Variants in RBFOX1 observed in about 807,000 individuals in gnomAD.
The protein encoded by RBFOX1 is RNA binding protein fox-1 homolog 1.
A neutral mutation model predicts 57.7 loss-of-function variants in RBFOX1; 8 were observed. The ratio of observed to expected loss-of-function variants is 0.14; its 90% CI spans 0.08 to 0.25. The LOEUF (loss-of-function observed/expected upper bound fraction) is 0.25. RBFOX1 is among the 10% of genes least tolerant of loss of function. RBFOX1 has a pLI of 1.00. For synonymous variants in RBFOX1, 326 were observed against 222.4 expected, an observed-to-expected ratio of 1.47 and a Z score of -4.15; for missense variants, 611 against 548.5, an observed-to-expected ratio of 1.11 and a Z score of -1.14.
At chr16:6,470,899 G>A (rs746892935) in intron 2 of RBFOX1, among the ~76,000 whole-genome samples, 10 of 151,782 alleles carry the variant, frequency 6.6e-5, no homozygotes, top group Non-Finnish European at 8.8e-5. Context: ...CCATTATACC[G>A]TTACTGCTGT....
chr16:7,402,582 C>T (rs17562963), intron 4 of RBFOX1, among the ~76,000 whole-genome samples: 12,739 of 152,170 alleles, frequency 0.084, 650 homozygotes, highest in Non-Finnish European at 0.12. Flanking sequence ...GATGATTATT[C>T]CTTGGTTTCC....
In RBFOX1 at chr16:6,570,338, T is replaced by G. The variant is rs564282889; in HGVS notation, c.-63-84265T>G. ...AATGTATGCTGCATAAGCAAAGGATTGTGTTCCAGGCCCCTCCTGGAACAG... is the reference window on the plus strand; with the variant it reads ...AATGTATGCTGCATAAGCAAAGGATGGTGTTCCAGGCCCCTCCTGGAACAG... On this transcript the variant is annotated intron_variant, in intron 2 of 15. Transcript: ENST00000550418. 2.0e-5 allele frequency among the ~76,000 whole-genome samples: 3 copies of G among 152,306 alleles called. No homozygotes were observed. In the South Asian group the frequency reaches 6.2e-4, roughly 32 times the overall value.
At chr16:6,205,510 C>T (rs1384755792) in intron 1 of RBFOX1, among the ~76,000 whole-genome samples, 1 of 152,124 alleles carries the variant, frequency 6.6e-6, no homozygotes, top group Non-Finnish European at 1.5e-5. Flanking sequence ...TGCACATTTA[C>T]AAAACATCTT....
At chr16:5,454,478 T>C (rs542374430) in intron 1 of RBFOX1, among the ~76,000 whole-genome samples, 3 of 152,354 alleles carry the variant, frequency 2.0e-5, no homozygotes, top group South Asian at 2.1e-4. Context: ...GGCATTAATA[T>C]TGAAATTGGT....
intron 2 of RBFOX1, among the ~76,000 whole-genome samples, chr16:5,503,137 G>C (rs55913106): frequency 6.6e-6 from 1 of 152,220 alleles, no homozygotes; most frequent in Non-Finnish European, 1.5e-5. Flanking sequence ...TGGAGCCGCA[G>C]TTCTGCCATT....
At chr16:6,605,835 C>G (rs531991577) in intron 2 of RBFOX1, among the ~76,000 whole-genome samples, 2 of 152,294 alleles carry the variant, frequency 1.3e-5, no homozygotes, top group South Asian at 2.1e-4. Flanking sequence ...CACAGTGGCT[C>G]ACTCCTGTAA....
chr16:6,313,854 C>G (rs1321350938), intron 1 of RBFOX1, among the ~76,000 whole-genome samples: 2 of 151,886 alleles, frequency 1.3e-5, no homozygotes, highest in Non-Finnish European at 2.9e-5. Context: ...AATCACTCTT[C>G]TGGAACTCTA....
At position 6,954,830 on chromosome 16, in the gene RBFOX1, T is replaced by G. The variant is rs766227454; in HGVS notation, c.-15-97227T>G. On this transcript the variant is annotated intron_variant, in intron 3 of 15. Transcript: ENST00000550418. ...GGGTTCGAACCTCATTTCTGTGGATTAGCAACTTTATAACCTTGGGCAAGT... is the reference window on the plus strand; with the variant it reads ...GGGTTCGAACCTCATTTCTGTGGATGAGCAACTTTATAACCTTGGGCAAGT... 2.6e-5 allele frequency among the ~76,000 whole-genome samples: 4 copies of G among 152,164 alleles called. No homozygotes were observed. The East Asian group carries it at 7.7e-4, about 29-fold the overall frequency.
Position 7,321,061 on chromosome 16 carries a change from ATCTGTC to A in RBFOX1, c.28-197084_28-197079del, listed in dbSNP as rs36203175. ...TGGAGACCAGAGAAATTATCTATCTATCTGTCTATCTATACGTATACATATACATAT... is the reference window on the plus strand; with the variant it reads ...TGGAGACCAGAGAAATTATCTATCTATATCTATACGTATACATATACATAT... On this transcript the variant is annotated intron_variant, in intron 4 of 15. Coordinates refer to ENST00000550418, the MANE Select transcript of RBFOX1 (RefSeq NM_018723.4). 3.4e-3 allele frequency among the ~76,000 whole-genome samples: 515 copies of A among 150,926 alleles called. 4 individuals carry two copies. The highest frequency in any genetic ancestry group is 2.4e-3 in the Non-Finnish European group (166 of 67,902).
rs201057253 is a variant in RBFOX1 at position 7,541,000 on chromosome 16, A to C, written c.270+22611A>C. 2.0e-5 allele frequency among the ~76,000 whole-genome samples: 3 copies of C among 152,186 alleles called. No homozygotes were observed. In the South Asian group the frequency reaches 6.2e-4, roughly 32 times the overall value. On this transcript the variant is annotated intron_variant, in intron 5 of 15. Transcript: ENST00000550418. ...AAGGTTTAGCTCTCTCAGAGGTTCA[A>C]GTGAGAGACACATTAGATACCTCCC...
chr16:6,253,675 ATGTGTGTGTG>A (rs377653141), intron 1 of RBFOX1, among the ~76,000 whole-genome samples: 31 of 144,908 alleles, frequency 2.1e-4, no homozygotes, highest in Non-Finnish European at 2.9e-4. Context: ...GTGTGTGTGC[ATGTGTGTGTG>A]TGTGTGTGTG....
intron 1 of RBFOX1, among the ~76,000 whole-genome samples, chr16:6,083,238 A>C: frequency 6.6e-6 from 1 of 152,052 alleles, no homozygotes; most frequent in Non-Finnish European, 1.5e-5. Flanking sequence ...CCTGACCTGA[A>C]GTGATCTGCC....
At chr16:6,684,957 A>C (rs1429931839) in intron 3 of RBFOX1, among the ~76,000 whole-genome samples, 1 of 152,142 alleles carries the variant, frequency 6.6e-6, no homozygotes, top group Non-Finnish European at 1.5e-5. Context: ...TCTTCAATTA[A>C]TCTCTTTGGC....
chr16:6,790,710 C>G (rs541248005), intron 3 of RBFOX1, among the ~76,000 whole-genome samples: 8 of 152,120 alleles, frequency 5.3e-5, no homozygotes, highest in Non-Finnish European at 1.0e-4. Context: ...AGTCTTGGCT[C>G]TCCATCCCTC....
At chr16:5,912,523 A>G (rs2058625246) in intron 4 of RBFOX1, among the ~76,000 whole-genome samples, 1 of 152,150 alleles carries the variant, frequency 6.6e-6, no homozygotes, top group Non-Finnish European at 1.5e-5. Flanking sequence ...GGGAAGATGC[A>G]TTGCACGTTG....
At chr16:5,900,662 T>C (rs2058284827) in intron 4 of RBFOX1, among the ~76,000 whole-genome samples, 2 of 152,244 alleles carry the variant, frequency 1.3e-5, no homozygotes, top group South Asian at 4.1e-4. Flanking sequence ...CAGGAGCTAA[T>C]AGGACAAAAA....
At chr16:7,235,697 G>C (rs1034980213) in intron 4 of RBFOX1, among the ~76,000 whole-genome samples, 2 of 152,190 alleles carry the variant, frequency 1.3e-5, no homozygotes, top group South Asian at 4.1e-4. Context: ...TTGAGGGTTG[G>C]AGAGAAGTTG....
At chr16:6,499,042 T>A (rs1463090229) in intron 2 of RBFOX1, among the ~76,000 whole-genome samples, 3 of 152,068 alleles carry the variant, frequency 2.0e-5, no homozygotes, top group Non-Finnish European at 4.4e-5. Flanking sequence ...AGGTTAGTAA[T>A]TAACTTATGT....
chr16:7,653,733 G>A (rs1597371778), intron 11 of RBFOX1, 82 bp from the exon 12 acceptor site: 3 of 1,582,804 alleles, frequency 1.9e-6, no homozygotes, highest in Non-Finnish European at 1.7e-6. Context: ...CAGGGACAAG[G>A]GTTCCCGGGG....
Sources: allele counts gnomAD v4.1 joint callset (sites outside exome capture counted in the v4.1 genomes callset), GRCh38; gene constraint gnomAD v4.1.1; transcripts MANE v1.5; gene names NCBI Gene and HGNC (gene_info 2026-07-23, HGNC 2026-07-21).